The following PLEKHG6 variants were observed in gnomAD, a reference collection of about 807,000 sequenced individuals.
The protein encoded by PLEKHG6 is pleckstrin homology domain-containing family G member 6.
A neutral mutation model predicts 97.5 loss-of-function variants in PLEKHG6; 91 were observed. The ratio of observed to expected loss-of-function variants is 0.93; its 90% CI spans 0.79 to 1.11. The LOEUF (loss-of-function observed/expected upper bound fraction) is 1.11. Ranked by LOEUF, PLEKHG6 falls within the 50% of genes most tolerant of loss-of-function variation. The pLI, the probability that PLEKHG6 is intolerant of heterozygous loss-of-function variation, is 0.00. For missense variants in PLEKHG6, 1,044 were observed against 1,031.0 expected (o/e 1.01, Z -0.17); for synonymous variants, 466 against 425.5 (o/e 1.10, Z -1.17).
At chr12:6,324,128 C>T (rs1171962807) in intron 13 of PLEKHG6, among the ~76,000 whole-genome samples, 1 of 152,136 alleles carries the variant, frequency 6.6e-6, no homozygotes, top group Non-Finnish European at 1.5e-5. Flanking sequence ...CTTTTCCTTT[C>T]CCGTCCCCTC....
intron 15 of PLEKHG6, 45 bp from the exon 16 acceptor site, chr12:6,328,091 C>T: frequency 6.2e-7 from 1 of 1,613,376 alleles, no homozygotes; most frequent in Non-Finnish European, 8.5e-7. Context: ...TGACCCTCAC[C>T]CGTTGCCACT....
rs766767742 is a variant in PLEKHG6 at position 6,327,284 on chromosome 12, C to T, written c.1701C>T (p.His567=). ...CTGAGTTCTCGACCATTATCCCCCA[C>T]CTGGTGGTGACAGAAGACACAGATG... The part of the protein sequence containing the change: ...RTPEFSTIIP[H]LVVTEDTDED... Residue 567 remains histidine (H), a synonymous_variant, in exon 15 of 16, where the codon CAC becomes CAT. Coordinates refer to ENST00000684764, the MANE Select transcript of PLEKHG6 (RefSeq NM_001384598.1). 6.5e-5 allele frequency: 104 copies of T among 1,608,074 alleles called. No individual in the cohort carries two copies. The highest frequency in any genetic ancestry group is 8.8e-5 in the Non-Finnish European group (104 of 1,176,220).
At chr12:6,313,057 T>C in intron 2 of PLEKHG6, 1 of 1,513,464 alleles carries the variant, frequency 6.6e-7, no homozygotes, top group Non-Finnish European at 8.9e-7. Context: ...CACAGGCAAA[T>C]GAAGGAATGT....
intron 13 of PLEKHG6, among the ~76,000 whole-genome samples, chr12:6,325,095 C>A (rs562347186): frequency 2.6e-5 from 4 of 152,310 alleles, no homozygotes; most frequent in Non-Finnish European, 4.4e-5. Context: ...GTGCTGCCCA[C>A]AGCAGCCACC....
chr12:6,315,862 C>T lies in PLEKHG6; in HGVS notation c.556-7C>T. ...GGGTCCTGAGACCCTCGTCTCCCTC[C>T]CTGCAGCTGCTAGCCGCCGGCCTGC... is the stretch of plus-strand genomic sequence containing the variant. On this transcript the variant is annotated splice_region_variant and splice_polypyrimidine_tract_variant and intron_variant, in intron 5 of 15. Transcript: ENST00000684764. This position sits in a 1 kb window ranked among gnomAD's most constrained non-coding sequence, Gnocchi z 4.5. The T allele has an allele frequency of 6.4e-7, 1 of 1,559,682 alleles. No homozygotes were observed. The highest frequency in any genetic ancestry group is 8.7e-7 in the Non-Finnish European group (1 of 1,151,462).
At chr12:6,311,315 A>G (rs1339494640) in intron 1 of PLEKHG6, among the ~76,000 whole-genome samples, 1 of 152,148 alleles carries the variant, frequency 6.6e-6, no homozygotes, top group Non-Finnish European at 1.5e-5. Flanking sequence ...GACCAAATAT[A>G]TAGCCCGAAA....
At chr12:6,312,061 A>C in intron 1 of PLEKHG6, 98 bp from the exon 2 acceptor site, 1 of 516,756 alleles carries the variant, frequency 1.9e-6, no homozygotes, top group Non-Finnish European at 3.3e-6. Context: ...CTCCCCCACT[A>C]TACCCTCCCT....
chr12:6,319,781 C>G (rs1176609276), intron 13 of PLEKHG6: 1 of 1,068,574 alleles, frequency 9.4e-7, no homozygotes, highest in Non-Finnish European at 1.3e-6. Flanking sequence ...GCTAGGGAAT[C>G]AGAAAAGAGT....
At position 6,318,339 on chromosome 12, in the gene PLEKHG6, C is replaced by T. The variant is rs1030111252; in HGVS notation, c.1194C>T (p.Pro398=). The T allele has an allele frequency of 1.9e-5, 31 of 1,614,088 alleles. No individual in the cohort carries two copies. The highest frequency in any genetic ancestry group is 2.6e-5 in the Non-Finnish European group (31 of 1,180,006). ...TCTCCACCCTGGACCTGACGTCCCC[C>T]ATGCTGGGGGTTGCATCTGAGCACA... is the stretch of plus-strand genomic sequence containing the variant. ...RPFSTLDLTS[P]MLGVASEHTR... The change falls in exon 11 of 16, where the codon CCC becomes CCT. Residue 398 remains proline, a synonymous_variant. Transcript: ENST00000684764.
chr12:6,315,311 C>T lies in PLEKHG6; in HGVS notation c.459+142C>T, dbSNP rs1417551030. 1 of 903,002 alleles carries T rather than the reference C, an allele frequency of 1.1e-6. No individual in the cohort carries two copies. The highest frequency in any genetic ancestry group is 1.7e-5 in the African/African-American group (1 of 59,426). 55.9% of individuals were successfully genotyped at this position (903,002 alleles called of 1,614,324 possible). ...AACGCGTTGATCTGGGTTCAGATCCCAGCTCTGCCACTTACTAGTCAGACC... is the reference window on the plus strand; with the variant it reads ...AACGCGTTGATCTGGGTTCAGATCCTAGCTCTGCCACTTACTAGTCAGACC... On this transcript the variant is annotated intron_variant, in intron 4 of 15. Transcript: ENST00000684764. The surrounding 1 kb of genome is among the most constrained non-coding windows in gnomAD (Gnocchi z 4.5).
Position 6,328,495 on chromosome 12 carries a change from T to A in PLEKHG6, c.*350T>A, listed in dbSNP as rs538252696. Reference sequence around the variant, plus strand: ...GAAACCCTGTCTTTACAAAAAAAAATTTTAAAAATTACCCAGGTGTGGTGG... The same window carrying A: ...GAAACCCTGTCTTTACAAAAAAAAAATTTAAAAATTACCCAGGTGTGGTGG... On this transcript the variant is annotated 3_prime_UTR_variant, in exon 16 of 16. Coordinates refer to ENST00000684764, the MANE Select transcript of PLEKHG6 (RefSeq NM_001384598.1). The A allele has an allele frequency of 1.6e-4, 34 of 208,838 alleles. No individual in the cohort carries two copies. The highest frequency in any genetic ancestry group is 4.8e-4 in the African/African-American group (20 of 42,000). 12.9% of individuals were successfully genotyped at this position (208,838 alleles called of 1,614,324 possible).
chr12:6,318,655 C>T, intron 11 of PLEKHG6, 90 bp from the exon 12 acceptor site: 1 of 1,422,112 alleles, frequency 7.0e-7, no homozygotes, highest in Non-Finnish European at 9.8e-7. Context: ...TCCCTGTGTG[C>T]CTGCGCACCA....
chr12:6,318,190 GGGGAAGGATAC>G, intron 10 of PLEKHG6, 100 bp from the exon 11 acceptor site: 1 of 1,544,390 alleles, frequency 6.5e-7, no homozygotes, highest in South Asian at 1.2e-5. Context: ...CTAGCCCATG[GGGGAAGGATAC>G]AAACAGAAAG....
intron 13 of PLEKHG6, among the ~76,000 whole-genome samples, chr12:6,323,872 G>C (rs996652859): frequency 2.0e-5 from 3 of 152,220 alleles, no homozygotes; most frequent in Admixed American, 6.5e-5. Flanking sequence ...GCCTGCTGCT[G>C]ACTGGGGAAA....
Position 6,316,478 on chromosome 12 carries a change from C to A in PLEKHG6, c.756+74C>A. ...TCGGGGGTCCTGTGTGTAGGGCATG[C>A]CCACAGTATGCAAATCTCTGTGATT... On this transcript the variant is annotated intron_variant, in intron 7 of 15. Coordinates refer to ENST00000684764, the MANE Select transcript of PLEKHG6 (RefSeq NM_001384598.1). This position sits in a 1 kb window ranked among gnomAD's most constrained non-coding sequence, Gnocchi z 4.1. 2 of 1,360,250 alleles carry A rather than the reference C, an allele frequency of 1.5e-6. No homozygotes were observed. The highest frequency in any genetic ancestry group is 2.0e-6 in the Non-Finnish European group (2 of 1,008,224). The allele number at this position is 1,360,250 out of a possible 1,614,324, so 84.3% of individuals were successfully genotyped here. A position where few individuals can be genotyped will look rare whatever the true frequency, so the allele number is the denominator to read the frequency against.
rs1327963975 is a variant in PLEKHG6 at position 6,315,538 on chromosome 12, A to G, written c.460-16A>G. The stretch of plus-strand genomic sequence containing the variant: ...ATTATCATTCCCCAACTGAACCAGC[A>G]TTCTCCCCACCCCAGGAGATGAGCC... On this transcript the variant is annotated splice_polypyrimidine_tract_variant and intron_variant, in intron 4 of 15. Transcript: ENST00000684764. This position sits in a 1 kb window ranked among gnomAD's most constrained non-coding sequence, Gnocchi z 4.5. 1 of 1,487,828 alleles carries G rather than the reference A, an allele frequency of 6.7e-7. No homozygotes were observed. The allele number at this position is 1,487,828 out of a possible 1,614,324, so 92.2% of individuals were successfully genotyped here. A position where few individuals can be genotyped will look rare whatever the true frequency, so the allele number is the denominator to read the frequency against.
rs1044486705 is a variant in PLEKHG6 at position 6,328,501 on chromosome 12, A to G, written c.*356A>G. On this transcript the variant is annotated 3_prime_UTR_variant, in exon 16 of 16. Transcript: ENST00000684764. ...CTGTCTTTACAAAAAAAAATTTTAA[A>G]AATTACCCAGGTGTGGTGGTGTGCC... The G allele has an allele frequency of 4.7e-6, 1 of 211,852 alleles. No individual in the cohort carries two copies. The highest frequency in any genetic ancestry group is 9.4e-6 in the Non-Finnish European group (1 of 106,160). 13.1% of individuals were successfully genotyped at this position (211,852 alleles called of 1,614,324 possible).
chr12:6,320,223 A>C (rs778266980), intron 13 of PLEKHG6, among the ~76,000 whole-genome samples: 5 of 152,218 alleles, frequency 3.3e-5, no homozygotes, highest in African/African-American at 4.8e-5. Flanking sequence ...TTTGGATGAC[A>C]GAGGGCCAGT....
chr12:6,311,437 C>T (rs1947262314), intron 1 of PLEKHG6, among the ~76,000 whole-genome samples: 1 of 152,194 alleles, frequency 6.6e-6, no homozygotes, highest in Admixed American at 6.5e-5. Flanking sequence ...GATGGGCAAG[C>T]CTTTCAGTAA....
Sources: allele counts gnomAD v4.1 joint callset (sites outside exome capture counted in the v4.1 genomes callset), GRCh38; gene constraint gnomAD v4.1.1; non-coding constraint Gnocchi (gnomAD v3.1); transcripts MANE v1.5; gene names NCBI Gene and HGNC (gene_info 2026-07-23, HGNC 2026-07-21).